The following COX10 variants were observed in gnomAD, a reference collection of about 807,000 sequenced individuals.
COX10 encodes protoheme IX farnesyltransferase, mitochondrial.
Under a neutral mutation model 37.3 loss-of-function variants are expected in COX10, and 27 were observed. The ratio of observed to expected loss-of-function variants is 0.72; its 90% confidence interval spans 0.53 to 1.00. The LOEUF (loss-of-function observed/expected upper bound fraction) is 1.00. Among genes scored for constraint, COX10 ranks in the 50% least tolerant of loss-of-function variants. COX10 has a pLI of 0.00. For synonymous variants in COX10, 222 were observed against 229.1 expected (o/e 0.97, Z 0.28); for missense variants, 475 against 563.2 (o/e 0.84, Z 1.59).
chr17:14,089,158 C>T (rs1465616856), intron 3 of COX10, among the ~76,000 whole-genome samples: 1 of 152,190 alleles, frequency 6.6e-6, no homozygotes, highest in Non-Finnish European at 1.5e-5. Flanking sequence ...ACTGGGCTCT[C>T]TCATTATTCA....
chr17:14,187,954 G>T (rs567385956), intron 5 of COX10, among the ~76,000 whole-genome samples: 6 of 152,120 alleles, frequency 3.9e-5, no homozygotes, highest in Non-Finnish European at 7.3e-5. Flanking sequence ...TTCAACAAAG[G>T]TCAGAAACTA....
chr17:14,113,165 C>T (rs188012265), intron 4 of COX10, among the ~76,000 whole-genome samples: 6 of 152,122 alleles, frequency 3.9e-5, no homozygotes, highest in Admixed American at 3.9e-4. Context: ...AAAATGTCAA[C>T]AGACATTTCA....
At chr17:14,168,998 T>C (rs1905374359) in intron 5 of COX10, among the ~76,000 whole-genome samples, 1 of 152,256 alleles carries the variant, frequency 6.6e-6, no homozygotes, top group Non-Finnish European at 1.5e-5. Context: ...ATGGTAAGGC[T>C]GTAGATTTTC....
chr17:14,186,489 T>G (rs1906031537), intron 5 of COX10, among the ~76,000 whole-genome samples: 1 of 151,818 alleles, frequency 6.6e-6, no homozygotes, highest in Admixed American at 6.6e-5. Context: ...ACACCCCCTG[T>G]CCACCACCCA....
chr17:14,177,141 G>A (rs781225578), intron 5 of COX10: 32 of 610,950 alleles, frequency 5.2e-5, no homozygotes, highest in Non-Finnish European at 8.5e-5. Context: ...GCCAGCAGTC[G>A]CCAGGTGTCT....
At chr17:14,183,715 A>G (rs1216955891) in intron 5 of COX10, among the ~76,000 whole-genome samples, 100 of 152,206 alleles carry the variant, frequency 6.6e-4, no homozygotes, top group Non-Finnish European at 1.3e-3. Context: ...CAGGGGAAAC[A>G]ATTTATGGCA....
intron 3 of COX10, among the ~76,000 whole-genome samples, chr17:14,099,410 CTATA>C (rs776389469): frequency 6.6e-6 from 1 of 152,052 alleles, no homozygotes; most frequent in Non-Finnish European, 1.5e-5. Flanking sequence ...TATGGTACAA[CTATA>C]AAGGATTATT....
At chr17:14,077,095 CTATCTT>C (rs1311834180) in intron 3 of COX10, 39 bp downstream of exon 3, 16 of 1,595,042 alleles carry the variant, frequency 1.0e-5, no homozygotes, top group African/African-American at 6.7e-5. Flanking sequence ...ATTTGAAACT[CTATCTT>C]TAGTGAAACA....
At chr17:14,109,714 A>T (rs371487562) in intron 4 of COX10, among the ~76,000 whole-genome samples, 3 of 152,100 alleles carry the variant, frequency 2.0e-5, no homozygotes, top group Admixed American at 6.6e-5. Flanking sequence ...GGTATTCTTT[A>T]TTAATATGAG....
intron 4 of COX10, among the ~76,000 whole-genome samples, chr17:14,103,741 A>G (rs573139352): frequency 1.3e-5 from 2 of 152,330 alleles, no homozygotes; most frequent in Admixed American, 6.5e-5. Flanking sequence ...ATTTGGAGGA[A>G]TAAAAATTGA....
chr17:14,105,147 T>C (rs1915863274), intron 4 of COX10, among the ~76,000 whole-genome samples: 1 of 152,182 alleles, frequency 6.6e-6, no homozygotes, highest in African/African-American at 2.4e-5. Context: ...TAAGCTATAA[T>C]TGGGATTATT....
intron 4 of COX10, among the ~76,000 whole-genome samples, chr17:14,130,847 G>A (rs76527362): frequency 0.026 from 3,881 of 151,586 alleles, 94 homozygotes; most frequent in East Asian, 0.11. Flanking sequence ...AAATAGTCTC[G>A]TCATCTCCTG....
intron 5 of COX10, among the ~76,000 whole-genome samples, chr17:14,186,304 G>C (rs1906022920): frequency 6.6e-6 from 1 of 151,918 alleles, no homozygotes; most frequent in Non-Finnish European, 1.5e-5. Flanking sequence ...GTGCTCTCTT[G>C]ACACCTCCCA....
chr17:14,192,704 C>T (rs1301875588), intron 6 of COX10, among the ~76,000 whole-genome samples: 1 of 152,032 alleles, frequency 6.6e-6, no homozygotes, highest in Non-Finnish European at 1.5e-5. Context: ...TTGCTTAAAT[C>T]GTTCATACTG....
intron 3 of COX10, among the ~76,000 whole-genome samples, chr17:14,095,739 T>G (rs1377330342): frequency 6.6e-6 from 1 of 152,168 alleles, no homozygotes; most frequent in Non-Finnish European, 1.5e-5. Context: ...CACTGGTTGT[T>G]GGTAGAATTC....
intron 4 of COX10, among the ~76,000 whole-genome samples, chr17:14,148,932 A>G (rs1288108882): frequency 1.3e-5 from 2 of 148,230 alleles, no homozygotes; most frequent in Non-Finnish European, 3.0e-5. Flanking sequence ...ATATATTACT[A>G]GGTAATTATA....
At chr17:14,080,219 CTTTTTTTTTT>C (rs71147840) in intron 3 of COX10, among the ~76,000 whole-genome samples, 27 of 102,704 alleles carry the variant, frequency 2.6e-4, no homozygotes, top group Middle Eastern at 5.9e-3. Context: ...ATTAGACTTT[CTTTTTTTTTT>C]TTTTTTTTTT....
rs1916447627 is a variant in COX10 at position 14,130,819 on chromosome 17, C to T, written c.624+28577C>T. 2.0e-5 allele frequency among the ~76,000 whole-genome samples: 3 copies of T among 152,070 alleles called. 1 individual carries two copies. Among genetic ancestry groups the T allele is most frequent in the South Asian group, 4.2e-4 (2 of 4,812 alleles). ...TTTCTGTTCCCCACCTTTTTCTTCT[C>T]CTTTGCTCTTCTTCACTAAATAGTC... On this transcript the variant is annotated intron_variant, in intron 4 of 6. Coordinates refer to ENST00000261643, the MANE Select transcript of COX10 (RefSeq NM_001303.4).
intron 4 of COX10, among the ~76,000 whole-genome samples, chr17:14,137,957 T>G (rs760612158): frequency 0.025 from 3,758 of 151,380 alleles, 85 homozygotes; most frequent in East Asian, 0.11. Flanking sequence ...TCAGTTTTTT[T>G]TTTTTTTTTT....
Sources: allele counts gnomAD v4.1 joint callset (sites outside exome capture counted in the v4.1 genomes callset), GRCh38; gene constraint gnomAD v4.1.1; transcripts MANE v1.5; gene names NCBI Gene and HGNC (gene_info 2026-07-23, HGNC 2026-07-21).